Variants in ZMAT3 observed in about 807,000 individuals in gnomAD.
The protein encoded by ZMAT3 is zinc finger matrin-type 3, also known as zinc finger matrin-type protein 3.
Under a neutral mutation model 32.3 loss-of-function variants are expected in ZMAT3, and 17 were observed. The ratio of observed to expected loss-of-function variants is 0.53; its 90% CI spans 0.36 to 0.79. The LOEUF (loss-of-function observed/expected upper bound fraction) is 0.79. Ranked by LOEUF, ZMAT3 falls within the 30% of genes least tolerant of loss-of-function variation. ZMAT3 has a pLI of 0.00. For synonymous variants in ZMAT3, 120 were observed against 133.1 expected (o/e 0.90, Z 0.68); for missense variants, 329 against 359.7 (o/e 0.91, Z 0.69).
rs1718413226 is a variant in ZMAT3, at chr3:179,019,066, A to G, written c.*5951T>C. On this transcript the variant is annotated 3_prime_UTR_variant, in exon 6 of 6. Transcript: ENST00000311417. ...TTCGCTGATTTCATAAACCCCAATCAGTAATTTACAGTTTTTTGAAGAAGC... is the reference window on the plus strand; with the variant it reads ...TTCGCTGATTTCATAAACCCCAATCGGTAATTTACAGTTTTTTGAAGAAGC... The G allele has an allele frequency of 6.6e-6, 1 of 152,176 alleles. No individual in the cohort carries two copies. The allele number at this position is 152,176 out of a possible 1,614,324, so 9.4% of individuals were successfully genotyped here.
At chr3:179,069,322 CATA>C (rs969521252) in intron 1 of ZMAT3, among the ~76,000 whole-genome samples, 2 of 152,064 alleles carry the variant, frequency 1.3e-5, no homozygotes, top group African/African-American at 4.8e-5. Flanking sequence ...AATCTTTATC[CATA>C]ATGTCTCCTG....
intron 2 of ZMAT3, among the ~76,000 whole-genome samples, chr3:179,047,557 T>C (rs1720307924): frequency 6.6e-6 from 1 of 152,086 alleles, no homozygotes; most frequent in Non-Finnish European, 1.5e-5. Context: ...ACTAATCCAA[T>C]CAAGGAGGCA....
At chr3:179,054,764 T>C (rs1720747227) in intron 2 of ZMAT3, among the ~76,000 whole-genome samples, 1 of 152,126 alleles carries the variant, frequency 6.6e-6, no homozygotes, top group Non-Finnish European at 1.5e-5. Flanking sequence ...GCCGGCGACT[T>C]CCATGCCTCC....
chr3:179,032,940 G>A (rs944531191), intron 2 of ZMAT3, among the ~76,000 whole-genome samples: 2 of 151,978 alleles, frequency 1.3e-5, no homozygotes, highest in Middle Eastern at 3.4e-3. Flanking sequence ...GCCCCGTCTG[G>A]GAATTGAGGA....
chr3:179,064,826 C>T (rs955498580), intron 2 of ZMAT3, among the ~76,000 whole-genome samples: 16 of 152,148 alleles, frequency 1.1e-4, no homozygotes, highest in African/African-American at 3.9e-4. Context: ...CTACGCTTTC[C>T]TTCTTTGGTA....
chr3:179,056,224 T>A (rs1328546874), intron 2 of ZMAT3, among the ~76,000 whole-genome samples: 1 of 152,084 alleles, frequency 6.6e-6, no homozygotes, highest in Non-Finnish European at 1.5e-5. Flanking sequence ...AAGTCTGCCT[T>A]AGGCCCGGAG....
chr3:179,048,099 T>G (rs1720342812), intron 2 of ZMAT3, among the ~76,000 whole-genome samples: 2 of 151,958 alleles, frequency 1.3e-5, no homozygotes, highest in Admixed American at 6.6e-5. Context: ...TAACCCAAAT[T>G]GATAAAGACA....
rs973342706 is a variant in ZMAT3 at position 179,019,028 on chromosome 3, T to C, written c.*5989A>G. Reference sequence around the variant, plus strand: ...CAAGAGGGAGAAAAGCAGCAACAGATTGAAATGAGGTATTCGCTGATTTCA... The same window carrying C: ...CAAGAGGGAGAAAAGCAGCAACAGACTGAAATGAGGTATTCGCTGATTTCA... On this transcript the variant is annotated 3_prime_UTR_variant, in exon 6 of 6. Transcript: ENST00000311417. The C allele has an allele frequency of 3.9e-5, 6 of 152,238 alleles. No homozygotes were observed. The highest frequency in any genetic ancestry group is 6.5e-5 in the Admixed American group (1 of 15,284). 9.4% of individuals were successfully genotyped at this position (152,238 alleles called of 1,614,324 possible).
At chr3:179,062,940 T>G (rs189320690) in intron 2 of ZMAT3, among the ~76,000 whole-genome samples, 1 of 152,328 alleles carries the variant, frequency 6.6e-6, no homozygotes, top group East Asian at 1.9e-4. Flanking sequence ...CAAACACTTC[T>G]AAACAATAGC....
intron 2 of ZMAT3, among the ~76,000 whole-genome samples, chr3:179,044,208 A>C (rs1008009947): frequency 6.6e-6 from 1 of 152,208 alleles, no homozygotes; most frequent in African/African-American, 2.4e-5. Context: ...TTGACCCAGC[A>C]ATCCCATTAC....
rs377312470 is a variant in ZMAT3, at chr3:179,056,331, A to G, written c.270+11152T>C. Among the ~76,000 whole-genome samples the G allele has an allele frequency of 3.0e-3, 461 of 151,466 alleles. 1 individual carries two copies. The highest frequency in any genetic ancestry group is 5.2e-3 in the Non-Finnish European group (351 of 67,822). On this transcript the variant is annotated intron_variant, in intron 2 of 5. Transcript: ENST00000311417. ...ACGGGACAAACGGGATAAAAAAAAA[A>G]GGGGGGGTCCACTACTTTAGTCATG...
In ZMAT3 at chr3:179,030,904, A is replaced by T; in HGVS notation, c.366T>A (p.Thr122=). 1 of 1,613,738 alleles carries T rather than the reference A, an allele frequency of 6.2e-7. No individual in the cohort carries two copies. Among genetic ancestry groups the T allele is most frequent in the Non-Finnish European group, 8.5e-7 (1 of 1,179,812 alleles). ...CCTGCGGAGGGACTGGAACAACTGG[A>T]GTAGCTGCAGGCTCGACCACATTGC... is the stretch of plus-strand genomic sequence containing the variant. ...RMSNVVEPAA[T]PVVPVPPQMG... Residue 122 remains threonine (T), a synonymous_variant, in exon 3 of 6, where the codon ACT becomes ACA. Coordinates refer to ENST00000311417, the MANE Select transcript of ZMAT3 (RefSeq NM_022470.4).
At chr3:179,040,312 A>T (rs1368790037) in intron 2 of ZMAT3, among the ~76,000 whole-genome samples, 1 of 152,218 alleles carries the variant, frequency 6.6e-6, no homozygotes, top group Non-Finnish European at 1.5e-5. Context: ...GAAGGAAAAA[A>T]TGTTAAGGGC....
At chr3:179,068,164 G>A (rs1721518739) in intron 1 of ZMAT3, among the ~76,000 whole-genome samples, 1 of 152,262 alleles carries the variant, frequency 6.6e-6, no homozygotes, top group African/African-American at 2.4e-5. Flanking sequence ...CCTTCCCTCA[G>A]GCACACTTAC....
chr3:179,070,617 T>C (rs1387990613), intron 1 of ZMAT3, among the ~76,000 whole-genome samples: 1 of 152,220 alleles, frequency 6.6e-6, no homozygotes, highest in Non-Finnish European at 1.5e-5. Context: ...ACCCAAAACA[T>C]GCAACTCAGA....
At chr3:179,060,859 C>A (rs1560098363) in intron 2 of ZMAT3, among the ~76,000 whole-genome samples, 1 of 151,472 alleles carries the variant, frequency 6.6e-6, no homozygotes, top group African/African-American at 2.4e-5. Flanking sequence ...AACAGGTCAC[C>A]AAAAAAAGAA....
In ZMAT3 at chr3:179,024,819, A is replaced by G. The variant is rs1576833520; in HGVS notation, c.*198T>C. The G allele has an allele frequency of 1.7e-6, 1 of 579,740 alleles. No homozygotes were observed. The highest frequency in any genetic ancestry group is 3.1e-6 in the Non-Finnish European group (1 of 323,846). The allele number at this position is 579,740 out of a possible 1,614,324, so 35.9% of individuals were successfully genotyped here. A position where few individuals can be genotyped will look rare whatever the true frequency, so the allele number is the denominator to read the frequency against. On this transcript the variant is annotated 3_prime_UTR_variant, in exon 6 of 6. Coordinates refer to ENST00000311417, the MANE Select transcript of ZMAT3 (RefSeq NM_022470.4). Reference sequence around the variant, plus strand: ...CCTGCAAAAGCGTTATGACCTAAGAAGCACGTTCTTCACACCCACCTCCCC... The same window carrying G: ...CCTGCAAAAGCGTTATGACCTAAGAGGCACGTTCTTCACACCCACCTCCCC...
chr3:179,048,932 G>A (rs1020759680), intron 2 of ZMAT3, among the ~76,000 whole-genome samples: 5 of 152,080 alleles, frequency 3.3e-5, no homozygotes, highest in African/African-American at 7.2e-5. Flanking sequence ...CAAGAGACTC[G>A]TGATACATAA....
Position 179,050,605 on chromosome 3 carries a change from C to T in ZMAT3, c.270+16878G>A, listed in dbSNP as rs182454489. On this transcript the variant is annotated intron_variant, in intron 2 of 5. Coordinates refer to ENST00000311417, the MANE Select transcript of ZMAT3 (RefSeq NM_022470.4). ...AAGACAAAGAAATAGGGAATCCTCC[C>T]GAAATCATTCTATGAAGTCCATATC... is the stretch of plus-strand genomic sequence containing the variant. Among the ~76,000 whole-genome samples, 778 of 152,260 alleles carry T rather than the reference C, an allele frequency of 5.1e-3. 3 individuals carry two copies. Among genetic ancestry groups the T allele is most frequent in the Non-Finnish European group, 8.0e-3 (544 of 68,018 alleles).
Sources: gnomAD v4.1 joint callset for allele counts (sites outside exome capture counted in the v4.1 genomes callset) on GRCh38, gnomAD v4.1.1 for gene constraint, MANE v1.5 for transcripts, NCBI Gene and HGNC (gene_info 2026-07-23, HGNC 2026-07-21) for gene names.